The following SZT2 variants were observed in gnomAD, a reference collection of about 807,000 sequenced individuals.
SZT2 encodes the protein KICSTOR complex protein SZT2.
Under a neutral mutation model 404.2 loss-of-function variants are expected in SZT2, and 216 were observed. The ratio of observed to expected loss-of-function variants is 0.53; its 90% CI spans 0.48 to 0.60. The LOEUF (loss-of-function observed/expected upper bound fraction) is 0.60. Ranked by LOEUF, SZT2 falls within the 20% of genes least tolerant of loss-of-function variation. The pLI, the probability that SZT2 is intolerant of heterozygous loss-of-function variation, is 0.00. For missense variants in SZT2, 3,857 were observed against 4,459.2 expected (o/e 0.86, Z 3.85); for synonymous variants, 1,693 against 1,749.9 (o/e 0.97, Z 0.81).
chr1:43,449,533 GTT>G (rs1229176954), intron 70 of SZT2: 1 of 163,682 alleles, frequency 6.1e-6, no homozygotes, highest in Non-Finnish European at 1.3e-5. Flanking sequence ...GCAGGAGTGG[GTT>G]TTGGGGAAGG....
Position 43,420,671 on chromosome 1 carries a change from G to T in SZT2, c.1262-78G>T. 2 of 1,373,412 alleles carry T rather than the reference G, an allele frequency of 1.5e-6. No individual in the cohort carries two copies. The highest frequency in any genetic ancestry group is 1.3e-5 in the South Asian group (1 of 79,672). 85.1% of individuals were successfully genotyped at this position (1,373,412 alleles called of 1,614,324 possible). On this transcript the variant is annotated intron_variant, in intron 9 of 71. Coordinates refer to ENST00000634258, the MANE Select transcript of SZT2 (RefSeq NM_001365999.1). This position sits in a 1 kb window ranked among gnomAD's most constrained non-coding sequence, Gnocchi z 5.1. ...CAGGACTGGGTTCCATGAGGTAGGT[G>T]GGGGTTTCAGATAGAACTCGATCCC...
At chr1:43,391,110 T>C (rs1648254729) in intron 1 of SZT2, among the ~76,000 whole-genome samples, 1 of 151,816 alleles carries the variant, frequency 6.6e-6, no homozygotes, top group South Asian at 2.1e-4. Context: ...AGGTGAGGAG[T>C]TCGAGACCAG....
chr1:43,431,053 G>A lies in SZT2; in HGVS notation c.4879G>A (p.Val1627Met), dbSNP rs1238463014. The change falls in exon 33 of 72, where the codon GTG (valine) becomes ATG (methionine). Residue 1627 changes from valine to methionine, a missense_variant. Coordinates refer to ENST00000634258, the MANE Select transcript of SZT2 (RefSeq NM_001365999.1). The stretch of plus-strand genomic sequence containing the variant: ...CTTCATGCTGACTTTGCCCCTGGAA[G>A]TGGAGCTCCCCACGGCCTCGGACCC... ...DVFMLTLPLEVELPTASDPQH... is the reference protein window; with the variant it reads ...DVFMLTLPLEMELPTASDPQH... The A allele has an allele frequency of 1.2e-6, 2 of 1,614,064 alleles. No homozygotes were observed. The highest frequency in any genetic ancestry group is 1.7e-5 in the Admixed American group (1 of 60,002).
In SZT2 at chr1:43,425,339, C is replaced by A. The variant is rs1269702087; in HGVS notation, c.2645+132C>A. 11 of 1,502,818 alleles carry A rather than the reference C, an allele frequency of 7.3e-6. No individual in the cohort carries two copies. Among genetic ancestry groups the A allele is most frequent in the Non-Finnish European group, 1.0e-5 (11 of 1,096,678 alleles). The allele number at this position is 1,502,818 out of a possible 1,614,324, so 93.1% of individuals were successfully genotyped here. A position where few individuals can be genotyped will look rare whatever the true frequency, so the allele number is the denominator to read the frequency against. On this transcript the variant is annotated intron_variant, in intron 18 of 71. Coordinates refer to ENST00000634258, the MANE Select transcript of SZT2 (RefSeq NM_001365999.1). The surrounding 1 kb of genome is among the most constrained non-coding windows in gnomAD (Gnocchi z 4.3). ...AGGGAGGGGGTGCGGTGTTTAGATG[C>A]TTCATCAGGCAGACGCTGGTCTGGG...
In SZT2 at chr1:43,437,228, T is replaced by G; in HGVS notation, c.6092T>G (p.Phe2031Cys). The stretch of plus-strand genomic sequence containing the variant: ...GGGTACCTGGCAGCCACAATGCAGT[T>G]TGTCCCTGGCCATTTCTCCTGTGAC... ...PRGYLAATMQ[F>C]VPGHFSCDVV... The change falls in exon 43 of 72, where the codon TTT (phenylalanine) becomes TGT (cysteine). Residue 2031 changes from phenylalanine (F) to cysteine (C), a missense_variant. Physicochemically the swap from Phe to Cys is radical, Grantham distance 205 (BLOSUM62 -2). This residue lies in a region of SZT2 where 261 missense variants were observed against 372.9 expected (regional missense o/e 0.70). Transcript: ENST00000634258. This position sits in a 1 kb window ranked among gnomAD's most constrained non-coding sequence, Gnocchi z 5.3. 6.2e-7 allele frequency: 1 copy of G among 1,614,140 alleles called. No individual in the cohort carries two copies. Among genetic ancestry groups the G allele is most frequent in the Non-Finnish European group, 8.5e-7 (1 of 1,180,016 alleles).
Position 43,443,448 on chromosome 1 carries a change from C to T in SZT2, c.8596C>T (p.Pro2866Ser). Residue 2866 changes from proline (P) to serine (S), a missense_variant, in exon 61 of 72, where the codon CCA becomes TCA. Around this residue, in one of 7 missense-constraint regions of SZT2, gnomAD observed 717 missense variants for 868.2 expected, o/e 0.83. Coordinates refer to ENST00000634258, the MANE Select transcript of SZT2 (RefSeq NM_001365999.1). The part of the protein sequence containing the change: ...FDPAAWLHGP[P>S]ETSGPPDGQR... ...CCCAGCTGCCTGGCTGCATGGGCCC[C>T]CAGAGACCTCTGGACCCCCTGACGG... is the stretch of plus-strand genomic sequence containing the variant. The T allele has an allele frequency of 6.2e-7, 1 of 1,614,190 alleles. No individual in the cohort carries two copies.
chr1:43,427,147 T>C lies in SZT2; in HGVS notation c.3401T>C (p.Val1134Ala), dbSNP rs1028739874. Residue 1134 changes from valine to alanine, a missense_variant, in exon 24 of 72, where the codon GTG (valine) becomes GCG (alanine). By Grantham distance (64) the Val-to-Ala change is moderately conservative. This residue lies in a region of SZT2 where 1,725 missense variants were observed against 1,881.0 expected (regional missense o/e 0.92). Coordinates refer to ENST00000634258, the MANE Select transcript of SZT2 (RefSeq NM_001365999.1). ...GCAAGGCTTGTGAACCCCCAGCATG[T>C]GTTTCTGACTTTTCTCCCAGCTACC... ...CYARLVNPQH[V>A]FLTFLPATFS... The C allele has an allele frequency of 6.2e-7, 1 of 1,614,220 alleles. No homozygotes were observed. Among genetic ancestry groups the C allele is most frequent in the Non-Finnish European group, 8.5e-7 (1 of 1,180,044 alleles).
At position 43,443,285 on chromosome 1, in the gene SZT2, G is replaced by A. The variant is rs1334900801; in HGVS notation, c.8499+18G>A. 1 of 1,614,080 alleles carries A rather than the reference G, an allele frequency of 6.2e-7. No homozygotes were observed. The highest frequency in any genetic ancestry group is 1.7e-5 in the Admixed American group (1 of 60,004). On this transcript the variant is annotated intron_variant, in intron 60 of 71. Coordinates refer to ENST00000634258, the MANE Select transcript of SZT2 (RefSeq NM_001365999.1). ...CCATCAGTGTGAGTGACCCCAGCTT[G>A]CATCTTCCTTGAGTATCTGTGATCC...
At chr1:43,415,838 G>C in intron 5 of SZT2, 122 bp from the exon 6 acceptor site, 1 of 1,149,042 alleles carries the variant, frequency 8.7e-7, no homozygotes. Context: ...TAGGGGAATT[G>C]AGGTTCTCAC....
rs774477616 is a variant in SZT2, at chr1:43,452,862, A to G, written c.*2382A>G. The G allele has an allele frequency of 2.6e-6, 4 of 1,564,058 alleles. No individual in the cohort carries two copies. The highest frequency in any genetic ancestry group is 2.4e-5 in the South Asian group (2 of 84,828). Reference sequence around the variant, plus strand: ...CTGATCTTAGCCACATCCAGCTCCAAGCAGACATTCCAGGCCTCCCCATCC... The same window carrying G: ...CTGATCTTAGCCACATCCAGCTCCAGGCAGACATTCCAGGCCTCCCCATCC... On this transcript the variant is annotated 3_prime_UTR_variant, in exon 72 of 72. Transcript: ENST00000634258.
At position 43,426,738 on chromosome 1, in the gene SZT2, G is replaced by C. The variant is rs1325841179; in HGVS notation, c.3238G>C (p.Val1080Leu). The C allele has an allele frequency of 6.2e-7, 1 of 1,612,986 alleles. No individual in the cohort carries two copies. The highest frequency in any genetic ancestry group is 8.5e-7 in the Non-Finnish European group (1 of 1,179,668). ...AGGTGCCGAGGGGCCACTGCTGGGG[G>C]TTCATGGGATCCCGAAGGAGCAAGC... ...VPGAEGPLLG[V>L]HGIPKEQAVG... The change falls in exon 23 of 72, where the codon GTT (valine) becomes CTT (leucine). Residue 1080 changes from valine (V) to leucine (L), a missense_variant. By Grantham distance (32) the Val-to-Leu change is conservative. Coordinates refer to ENST00000634258, the MANE Select transcript of SZT2 (RefSeq NM_001365999.1). This position sits in a 1 kb window ranked among gnomAD's most constrained non-coding sequence, Gnocchi z 4.9.
chr1:43,449,819 G>A, intron 70 of SZT2: 1 of 536,632 alleles, frequency 1.9e-6, no homozygotes, highest in Non-Finnish European at 3.4e-6. Flanking sequence ...TGTGCCAGGG[G>A]TACAGCACTC....
At position 43,420,110 on chromosome 1, in the gene SZT2, C is replaced by T. The variant is rs1449228880; in HGVS notation, c.1091-43C>T. ...TTCCCCCTACAGATCTGTCAGTTGG[C>T]AGATAACCAGTTTCTCCTTCCCCAT... is the stretch of plus-strand genomic sequence containing the variant. On this transcript the variant is annotated intron_variant, in intron 8 of 71. Transcript: ENST00000634258. This position sits in a 1 kb window ranked among gnomAD's most constrained non-coding sequence, Gnocchi z 5.1. 3.1e-6 allele frequency: 5 copies of T among 1,591,500 alleles called. No homozygotes were observed. Among genetic ancestry groups the T allele is most frequent in the Non-Finnish European group, 4.3e-6 (5 of 1,175,630 alleles).
At position 43,416,550 on chromosome 1, in the gene SZT2, C is replaced by T. The variant is rs750697937; in HGVS notation, c.788C>T (p.Thr263Met). 8 of 1,598,184 alleles carry T rather than the reference C, an allele frequency of 5.0e-6. No homozygotes were observed. The highest frequency in any genetic ancestry group is 1.1e-5 in the South Asian group (1 of 90,994). Residue 263 changes from threonine (T) to methionine (M), a missense_variant, in exon 7 of 72, where the codon ACG (threonine) becomes ATG (methionine). Coordinates refer to ENST00000634258, the MANE Select transcript of SZT2 (RefSeq NM_001365999.1). ...CCTGCTCCAGGGATTATCGTGATCA[C>T]GGATGGGGTGACCAGTGTACCTGAT... ...SNSSAGIIVI[T>M]DGVTSVPDVA... is the part of the protein sequence containing the mutation.
Position 43,437,391 on chromosome 1 carries a change from A to G in SZT2, c.6188-15A>G, listed in dbSNP as rs753929372. 11 of 1,614,002 alleles carry G rather than the reference A, an allele frequency of 6.8e-6. No individual in the cohort carries two copies. The highest frequency in any genetic ancestry group is 1.1e-5 in the South Asian group (1 of 91,080). On this transcript the variant is annotated splice_polypyrimidine_tract_variant and intron_variant, in intron 43 of 71. Coordinates refer to ENST00000634258, the MANE Select transcript of SZT2 (RefSeq NM_001365999.1). The surrounding 1 kb of genome is among the most constrained non-coding windows in gnomAD (Gnocchi z 5.3). ...CTGGAAAAGGCAGTTTCCTGAGCCC[A>G]TGTTATTCCCCCAGCCATCCAGGCC...
At chr1:43,414,817 G>A (rs147032538) in intron 4 of SZT2, among the ~76,000 whole-genome samples, 232 of 152,346 alleles carry the variant, frequency 1.5e-3, no homozygotes, top group Non-Finnish European at 2.3e-3. Context: ...CCCCCATGTG[G>A]GGGGTTGGGG....
rs781085202 is a variant in SZT2, at chr1:43,420,866, A to T, written c.1379A>T (p.Glu460Val). The T allele has an allele frequency of 4.6e-5, 74 of 1,598,284 alleles. No individual in the cohort carries two copies. The highest frequency in any genetic ancestry group is 5.6e-5 in the Non-Finnish European group (66 of 1,179,806). ...GAGGGCCCTCGAGTAACACGGGTGGAAGTGACGATGGAAGGCGGCTACGAC... is the reference window on the plus strand; with the variant it reads ...GAGGGCCCTCGAGTAACACGGGTGGTAGTGACGATGGAAGGCGGCTACGAC... ...EPEGPRVTRV[E>V]VTMEGGYDIL... Residue 460 changes from glutamate (E) to valine (V), a missense_variant, in exon 10 of 72, where the codon GAA (glutamate) becomes GTA (valine). By Grantham distance (121) the Glu-to-Val change is moderately radical. Coordinates refer to ENST00000634258, the MANE Select transcript of SZT2 (RefSeq NM_001365999.1). The surrounding 1 kb of genome is among the most constrained non-coding windows in gnomAD (Gnocchi z 5.1).
Position 43,451,200 on chromosome 1 carries a change from A to C in SZT2, c.*720A>C. On this transcript the variant is annotated 3_prime_UTR_variant, in exon 72 of 72. Coordinates refer to ENST00000634258, the MANE Select transcript of SZT2 (RefSeq NM_001365999.1). ...AATGCAGAGGAGGAGATGGGATGTC[A>C]CTCGCTGTCTGGAGGCACGTGGGTG... 1.3e-6 allele frequency: 2 copies of C among 1,584,306 alleles called. No homozygotes were observed. Among genetic ancestry groups the C allele is most frequent in the Non-Finnish European group, 1.7e-6 (2 of 1,153,010 alleles).
chr1:43,394,064 G>GAC (rs1648711040), intron 1 of SZT2: 1 of 985,010 alleles, frequency 1.0e-6, no homozygotes, highest in African/African-American at 1.7e-5. Flanking sequence ...ATGAACTTCA[G>GAC]ACTCAAGGAG....
Sources: gnomAD v4.1 joint callset for allele counts (sites outside exome capture counted in the v4.1 genomes callset) on GRCh38, gnomAD v4.1.1 for gene constraint, gnomAD v4.1.1 regional missense constraint, Gnocchi (gnomAD v3.1) non-coding constraint, MANE v1.5 for transcripts, NCBI Gene and HGNC (gene_info 2026-07-23, HGNC 2026-07-21) for gene names.